KCNH5: variants seen among roughly 807,000 people sequenced by gnomAD.
KCNH5 encodes potassium voltage-gated channel subfamily H member 5.
In KCNH5, 46 loss-of-function variants were observed where a neutral mutation model predicts 96.1. The ratio of observed to expected loss-of-function variants is 0.48; its 90% CI spans 0.38 to 0.61. KCNH5 has a LOEUF of 0.61. Among genes scored for constraint, KCNH5 ranks in the 20% least tolerant of loss-of-function variants. KCNH5 has a pLI of 0.00. For synonymous variants in KCNH5, 439 were observed against 449.8 expected (o/e 0.98, Z 0.30); for missense variants, 907 against 1,225.8 (o/e 0.74, Z 3.88).
In KCNH5 at chr14:63,001,355, G is replaced by A. The variant is rs776266190; in HGVS notation, c.409C>T (p.Pro137Ser). 2 of 1,608,472 alleles carry A rather than the reference G, an allele frequency of 1.2e-6. No individual in the cohort carries two copies. Among genetic ancestry groups the A allele is most frequent in the South Asian group, 1.1e-5 (1 of 89,776 alleles). Residue 137 changes from proline (P) to serine (S), a missense_variant, in exon 4 of 11, where the codon CCA becomes TCA. Physicochemically the swap from Pro to Ser is moderately conservative, Grantham distance 74. Coordinates refer to ENST00000322893, the MANE Select transcript of KCNH5 (RefSeq NM_139318.5). Reference protein sequence around the residue: ...TFKDITLFKQPIEDDSTKGWT... With the variant: ...TFKDITLFKQSIEDDSTKGWT... ...CCTTTTGTTGAATCATCCTCTATTGGCTGTTTGAACAACGTAATATCCTTG... is the reference window on the plus strand; with the variant it reads ...CCTTTTGTTGAATCATCCTCTATTGACTGTTTGAACAACGTAATATCCTTG...
chr14:62,950,075 T>G (rs374334565), intron 7 of KCNH5, 58 bp downstream of exon 7: 10 of 1,466,650 alleles, frequency 6.8e-6, no homozygotes, highest in Admixed American at 5.1e-5. Flanking sequence ...TATCTGAGAT[T>G]GTAGCCAGGA....
intron 9 of KCNH5, among the ~76,000 whole-genome samples, chr14:62,792,148 A>G (rs1266838163): frequency 6.6e-6 from 1 of 151,652 alleles, no homozygotes; most frequent in African/African-American, 2.4e-5. Context: ...GAAATTACAT[A>G]GTTTTATTAG....
chr14:62,838,155 A>C (rs967835793), intron 8 of KCNH5, among the ~76,000 whole-genome samples: 8 of 152,190 alleles, frequency 5.3e-5, no homozygotes, highest in Non-Finnish European at 2.9e-5. Flanking sequence ...CAACCTTAAA[A>C]ATCTTGGAAA....
intron 10 of KCNH5, among the ~76,000 whole-genome samples, chr14:62,754,797 C>G (rs1273348758): frequency 1.3e-5 from 2 of 151,888 alleles, no homozygotes; most frequent in Non-Finnish European, 2.9e-5. Flanking sequence ...ATTGCTTGAA[C>G]CCAGGAGACA....
intron 6 of KCNH5, among the ~76,000 whole-genome samples, chr14:62,966,226 CA>C (rs1363638337): frequency 6.6e-6 from 1 of 152,158 alleles, no homozygotes; most frequent in African/African-American, 2.4e-5. Flanking sequence ...TTTGTATCTG[CA>C]ATACTGATCA....
intron 7 of KCNH5, among the ~76,000 whole-genome samples, chr14:62,872,879 G>T (rs1287557124): frequency 1.3e-5 from 2 of 151,808 alleles, no homozygotes; most frequent in Non-Finnish European, 2.9e-5. Context: ...AAAAAGAAGA[G>T]AAGGCTCCCG....
intron 3 of KCNH5, among the ~76,000 whole-genome samples, chr14:63,005,076 C>T (rs1195909254): frequency 1.3e-5 from 2 of 152,232 alleles, no homozygotes; most frequent in African/African-American, 4.8e-5. Flanking sequence ...CAAAAAAAGA[C>T]CCAGAAAGCA....
rs2057980718 is a variant in KCNH5, at chr14:62,702,177, G to C, written c.*5331C>G. ...ACCATATATCAAACATACCACATTT[G>C]ACAGTTTACTTTGGCCGATGTCTTT... On this transcript the variant is annotated 3_prime_UTR_variant, in exon 11 of 11. Transcript: ENST00000322893. 1.3e-5 allele frequency: 2 copies of C among 152,088 alleles called. No individual in the cohort carries two copies. Among genetic ancestry groups the C allele is most frequent in the South Asian group, 4.1e-4 (2 of 4,826 alleles). 9.4% of individuals were successfully genotyped at this position (152,088 alleles called of 1,614,324 possible).
At chr14:62,842,934 A>T (rs1887615252) in intron 8 of KCNH5, among the ~76,000 whole-genome samples, 1 of 152,210 alleles carries the variant, frequency 6.6e-6, no homozygotes, top group Non-Finnish European at 1.5e-5. Context: ...ACTCCAAATC[A>T]TTCAGACACA....
At chr14:62,710,424 T>A (rs1286260514) in intron 10 of KCNH5, among the ~76,000 whole-genome samples, 1 of 152,194 alleles carries the variant, frequency 6.6e-6, no homozygotes, top group Non-Finnish European at 1.5e-5. Flanking sequence ...ACACAATTCT[T>A]ATGCTTCCCA....
chr14:62,782,734 C>G (rs1194827542), intron 9 of KCNH5, among the ~76,000 whole-genome samples: 1 of 151,998 alleles, frequency 6.6e-6, no homozygotes, highest in East Asian at 1.9e-4. Context: ...TGGCGTGAAC[C>G]CGGGAGGCAG....
At chr14:63,002,561 T>C (rs79233659) in intron 3 of KCNH5, among the ~76,000 whole-genome samples, 1,993 of 152,278 alleles carry the variant, frequency 0.013, 45 homozygotes, top group African/African-American at 0.046. Flanking sequence ...ATTAATAGTC[T>C]GTAGGTAAGA....
intron 8 of KCNH5, among the ~76,000 whole-genome samples, chr14:62,817,811 AATATATTAT>A (rs932540242): frequency 6.2e-5 from 9 of 145,850 alleles, no homozygotes; most frequent in Non-Finnish European, 7.5e-5. Flanking sequence ...ATATTCTAGG[AATATATTAT>A]ATATATTATA....
chr14:62,839,639 A>G (rs1887535239), intron 8 of KCNH5, among the ~76,000 whole-genome samples: 1 of 152,214 alleles, frequency 6.6e-6, no homozygotes, highest in Non-Finnish European at 1.5e-5. Context: ...ATTTTAAACC[A>G]TCATGACTAT....
At position 62,966,962 on chromosome 14, in the gene KCNH5, T is replaced by C. The variant is rs989349617; in HGVS notation, c.942+13910A>G. 2.0e-5 allele frequency among the ~76,000 whole-genome samples: 3 copies of C among 152,192 alleles called. No individual in the cohort carries two copies. The East Asian group carries it at 5.8e-4, about 29-fold the overall frequency. ...GAGCTTTGCATGGCAGTGTTCCCTT[T>C]TACCGTGGTAAGCAATAAATTCAAC... On this transcript the variant is annotated intron_variant, in intron 6 of 10. Coordinates refer to ENST00000322893, the MANE Select transcript of KCNH5 (RefSeq NM_139318.5).
intron 10 of KCNH5, among the ~76,000 whole-genome samples, chr14:62,713,991 A>G (rs1473091882): frequency 6.6e-6 from 1 of 152,178 alleles, no homozygotes; most frequent in Non-Finnish European, 1.5e-5. Context: ...CCTTTTAAGA[A>G]GGGCCTTTTG....
intron 7 of KCNH5, among the ~76,000 whole-genome samples, chr14:62,856,276 C>T (rs566608881): frequency 3.3e-5 from 5 of 152,280 alleles, no homozygotes; most frequent in African/African-American, 4.8e-5. Context: ...TGCATCTCTC[C>T]ATCTCCTTAT....
chr14:62,708,268 A>G lies in KCNH5; in HGVS notation c.2207T>C (p.Val736Ala). The G allele has an allele frequency of 6.2e-7, 1 of 1,614,098 alleles. No homozygotes were observed. The highest frequency in any genetic ancestry group is 8.5e-7 in the Non-Finnish European group (1 of 1,180,024). ...QGDPERNQLQ[V>A]ESRSLQNGAS... Reference sequence around the variant, plus strand: ...TCCATTCTGTAAGGAGCGGCTCTCTACCTGGAGTTGGTTCCTCTCAGGGTC... The same window carrying G: ...TCCATTCTGTAAGGAGCGGCTCTCTGCCTGGAGTTGGTTCCTCTCAGGGTC... The change falls in exon 11 of 11, where the codon GTA becomes GCA. Residue 736 changes from valine to alanine, a missense_variant. Val to Ala is a moderately conservative substitution (Grantham distance 64). Coordinates refer to ENST00000322893, the MANE Select transcript of KCNH5 (RefSeq NM_139318.5).
chr14:63,024,213 A>AAAAAAAAAAAAAAAAAAAAATAT (rs1288682150), intron 1 of KCNH5, among the ~76,000 whole-genome samples: 1 of 139,878 alleles, frequency 7.1e-6, no homozygotes. Context: ...CATCTCAAAA[A>AAAAAAAAAAAAAAAAAAAAATAT]ATATATATAT....
Sources: gnomAD v4.1 joint callset for allele counts (sites outside exome capture counted in the v4.1 genomes callset) on GRCh38, gnomAD v4.1.1 for gene constraint, MANE v1.5 for transcripts, NCBI Gene and HGNC (gene_info 2026-07-23, HGNC 2026-07-21) for gene names.